TMC6: variants seen among roughly 807,000 people sequenced by gnomAD.
The protein encoded by TMC6 is transmembrane channel like 6, also known as transmembrane channel-like protein 6.
In TMC6, 71 loss-of-function variants were observed where a neutral mutation model predicts 95.4. That is an observed-to-expected ratio of 0.74 (90% CI 0.61 to 0.91). The LOEUF is 0.91. Among genes scored for constraint, TMC6 ranks in the 40% least tolerant of loss-of-function variants. The pLI is 0.00. For missense variants in TMC6, 1,074 were observed against 1,079.1 expected, an observed-to-expected ratio of 1.00 and a Z score of 0.07; for synonymous variants, 514 against 483.1, an observed-to-expected ratio of 1.06 and a Z score of -0.84.
Position 78,122,641 on chromosome 17 carries a change from G to T in TMC6, c.1191C>A (p.Ser397=), listed in dbSNP as rs373049094. 7 of 1,612,002 alleles carry T rather than the reference G, an allele frequency of 4.3e-6. No homozygotes were observed. Among genetic ancestry groups the T allele is most frequent in the Non-Finnish European group, 5.9e-6 (7 of 1,179,898 alleles). The stretch of plus-strand genomic sequence containing the variant: ...TGCGAATATTGTCCTGCTGGAGGCG[G>T]GAGGCCCGCTTCTGCGTCACCTTGT... The part of the protein sequence containing the change: ...WDYKVTQKRA[S]RLQQDNIRTR... The change falls in exon 10 of 20, where the codon TCC becomes TCA. Residue 397 remains serine (S), a synonymous_variant. Transcript: ENST00000590602. This position sits in a 1 kb window ranked among gnomAD's most constrained non-coding sequence, Gnocchi z 4.9.
chr17:78,115,624 G>GGGA (rs1331753012), intron 18 of TMC6, among the ~76,000 whole-genome samples: 2 of 147,410 alleles, frequency 1.4e-5, no homozygotes, highest in African/African-American at 5.2e-5. Context: ...GAGGAGCGAA[G>GGGA]GGAGTGGGCA....
intron 18 of TMC6, among the ~76,000 whole-genome samples, chr17:78,116,459 G>A (rs1417821440): frequency 6.6e-6 from 1 of 151,940 alleles, no homozygotes; most frequent in East Asian, 1.9e-4. Flanking sequence ...TTTTTATAGA[G>A]ACGAGGTTTC....
In TMC6 at chr17:78,121,718, G is replaced by A. The variant is rs751796244; in HGVS notation, c.1228-7C>T. On this transcript the variant is annotated splice_polypyrimidine_tract_variant and splice_region_variant and intron_variant, in intron 10 of 19. Transcript: ENST00000590602. This position sits in a 1 kb window ranked among gnomAD's most constrained non-coding sequence, Gnocchi z 5.6. Reference sequence around the variant, plus strand: ...GCCACTCGGCCAGCAGCTCCTGCAGGCGGCACCGTGTCCCCGTCACCCACA... The same window carrying A: ...GCCACTCGGCCAGCAGCTCCTGCAGACGGCACCGTGTCCCCGTCACCCACA... 7.6e-6 allele frequency: 12 copies of A among 1,574,858 alleles called. No individual in the cohort carries two copies. Among genetic ancestry groups the A allele is most frequent in the Non-Finnish European group, 9.5e-6 (11 of 1,163,956 alleles).
chr17:78,119,475 C>A, intron 13 of TMC6, 83 bp from the exon 14 acceptor site: 2 of 1,393,392 alleles, frequency 1.4e-6, no homozygotes, highest in South Asian at 2.3e-5. Context: ...AGAGGCACCC[C>A]GCCCCCAGCC....
chr17:78,131,341 A>C, upstream of TMC6: 14 of 591,576 alleles, frequency 2.4e-5, no homozygotes, highest in Admixed American at 3.0e-5. Context: ...GCTGGGCCCG[A>C]ATTCGACCGC....
intron 4 of TMC6, 40 bp downstream of exon 4, chr17:78,126,237 C>T (rs1157113645): frequency 5.8e-6 from 9 of 1,539,990 alleles, no homozygotes; most frequent in African/African-American, 1.4e-5. Flanking sequence ...GGGGTCAACT[C>T]GGGGCCGGGG....
At position 78,109,784 on chromosome 17, in the gene TMC6, C is replaced by T. The variant is rs1234366720; in HGVS notation, c.*3364G>A. On this transcript the variant is annotated 3_prime_UTR_variant, in exon 20 of 20. Coordinates refer to ENST00000590602, the MANE Select transcript of TMC6 (RefSeq NM_001127198.5). Reference sequence around the variant, plus strand: ...GAAAATTTTTAAGATAATTCACATCCGGCCAGGCATGGTGGCTCATGCCTG... The same window carrying T: ...GAAAATTTTTAAGATAATTCACATCTGGCCAGGCATGGTGGCTCATGCCTG... 3 of 346,242 alleles carry T rather than the reference C, an allele frequency of 8.7e-6. No homozygotes were observed. The highest frequency in any genetic ancestry group is 4.3e-5 in the South Asian group (2 of 46,226). The allele number at this position is 346,242 out of a possible 1,614,324, so 21.4% of individuals were successfully genotyped here. A position where few individuals can be genotyped will look rare whatever the true frequency, so the allele number is the denominator to read the frequency against.
At chr17:78,120,106 G>A in intron 13 of TMC6, 1 of 310,930 alleles carries the variant, frequency 3.2e-6, no homozygotes, top group Non-Finnish European at 6.2e-6. Flanking sequence ...CCTGCTGTGT[G>A]TTTTTCCTTT....
chr17:78,112,864 C>T lies in TMC6; in HGVS notation c.*284G>A. 1 of 497,406 alleles carries T rather than the reference C, an allele frequency of 2.0e-6. No homozygotes were observed. Among genetic ancestry groups the T allele is most frequent in the South Asian group, 2.6e-5 (1 of 38,582 alleles). The allele number at this position is 497,406 out of a possible 1,614,324, so 30.8% of individuals were successfully genotyped here. A position where few individuals can be genotyped will look rare whatever the true frequency, so the allele number is the denominator to read the frequency against. ...CCTGCGCCTGGAGGTGGCCCCAGGG[C>T]AGCGGGAAGCAGGCCCCGGGTGTGG... On this transcript the variant is annotated 3_prime_UTR_variant, in exon 20 of 20. Transcript: ENST00000590602.
intron 19 of TMC6, 143 bp downstream of exon 19, chr17:78,113,404 CG>C: frequency 8.2e-7 from 1 of 1,220,206 alleles, no homozygotes; most frequent in East Asian, 2.5e-5. Context: ...TGAAGGTGGG[CG>C]CCGGGGGGGA....
chr17:78,130,047 T>TA (rs2074918586), upstream of TMC6, among the ~76,000 whole-genome samples: 1 of 151,856 alleles, frequency 6.6e-6, no homozygotes, highest in Non-Finnish European at 1.5e-5. Context: ...CTGGGCCCTA[T>TA]AGCAGGTAGA....
chr17:78,119,850 G>C (rs772258011), intron 13 of TMC6: 9 of 347,108 alleles, frequency 2.6e-5, no homozygotes, highest in Non-Finnish European at 4.4e-5. Context: ...GTCTCACTCT[G>C]TTGCCGAGGC....
chr17:78,129,117 C>A (rs1047938175), upstream of TMC6, among the ~76,000 whole-genome samples: 2,915 of 27,498 alleles, frequency 0.11, 89 homozygotes, highest in African/African-American at 0.23. The surrounding 1 kb of genome is among the most constrained non-coding windows in gnomAD (Gnocchi z 4.3). Context: ...TTGGGCAGCG[C>A]CCCCCCCCCC....
Position 78,125,241 on chromosome 17 carries a change from C to T in TMC6, c.453G>A (p.Lys151=). 1 of 1,582,380 alleles carries T rather than the reference C, an allele frequency of 6.3e-7. No homozygotes were observed. The highest frequency in any genetic ancestry group is 1.3e-5 in the African/African-American group (1 of 74,604). The change falls in exon 6 of 20, where the codon AAG becomes AAA. Residue 151 remains lysine (K), a synonymous_variant. Transcript: ENST00000590602. Reference sequence around the variant, plus strand: ...GTGCCACTGCCAGGCTCTGGAGCTCCTTCACCAGGAGGCTCTGCTTCTCTG... The same window carrying T: ...GTGCCACTGCCAGGCTCTGGAGCTCTTTCACCAGGAGGCTCTGCTTCTCTG... The part of the protein sequence containing the change: ...EEEEKQSLLV[K]ELQSLAVAQR...
Position 78,125,174 on chromosome 17 carries a change from C to T in TMC6, c.520G>A (p.Glu174Lys). 1 of 1,573,302 alleles carries T rather than the reference C, an allele frequency of 6.4e-7. No homozygotes were observed. The highest frequency in any genetic ancestry group is 1.3e-5 in the African/African-American group (1 of 74,344). Residue 174 changes from glutamate (E) to lysine (K), a missense_variant, in exon 6 of 20, where the codon GAG becomes AAG. Transcript: ENST00000590602. Reference protein sequence around the residue: ...MLRGMPLSLAEKRSLREKSRT... With the variant: ...MLRGMPLSLAKKRSLREKSRT... ...GCTGCTCACCGCAGGCTGCGTTTCTCAGCCAGGCTTAAGGGCATCCCGCGA... is the reference window on the plus strand; with the variant it reads ...GCTGCTCACCGCAGGCTGCGTTTCTTAGCCAGGCTTAAGGGCATCCCGCGA...
At chr17:78,127,685 C>T (rs2074796146) in intron 1 of TMC6, among the ~76,000 whole-genome samples, 2 of 152,230 alleles carry the variant, frequency 1.3e-5, no homozygotes, top group African/African-American at 4.8e-5. Context: ...CCGGCCTCTG[C>T]CCTGGACTCC....
upstream of TMC6, chr17:78,132,038 C>A (rs1302284180): frequency 6.5e-7 from 1 of 1,534,480 alleles, no homozygotes; most frequent in East Asian, 2.4e-5. Flanking sequence ...GGGGTAGGAC[C>A]CGCGCGACCC....
At position 78,128,136 on chromosome 17, in the gene TMC6, T is replaced by C. The variant is rs373159387; in HGVS notation, c.-75+476A>G. 1.3e-5 allele frequency among the ~76,000 whole-genome samples: 2 copies of C among 152,288 alleles called. No individual in the cohort carries two copies. The highest frequency in any genetic ancestry group is 3.9e-4 in the East Asian group (2 of 5,172). On this transcript the variant is annotated intron_variant, in intron 1 of 19. Transcript: ENST00000590602. This position sits in a 1 kb window ranked among gnomAD's most constrained non-coding sequence, Gnocchi z 4.0. ...GCGGAGTTTCCAGGCGCACCATTCC[T>C]GAGCTAGGTGGGGAGAGGCTGGGTG... is the stretch of plus-strand genomic sequence containing the variant.
In TMC6 at chr17:78,122,001, G is replaced by C. The variant is rs1010894022; in HGVS notation, c.1228-290C>G. ...CACCTCCCCAGCCCTGCCCGCTGGG[G>C]CAGGGGCCTTGCTCAGAGGTCCTTT... On this transcript the variant is annotated intron_variant, in intron 10 of 19. Coordinates refer to ENST00000590602, the MANE Select transcript of TMC6 (RefSeq NM_001127198.5). This position sits in a 1 kb window ranked among gnomAD's most constrained non-coding sequence, Gnocchi z 4.9. 1.3e-5 allele frequency among the ~76,000 whole-genome samples: 2 copies of C among 152,162 alleles called. No individual in the cohort carries two copies. The highest frequency in any genetic ancestry group is 2.9e-5 in the Non-Finnish European group (2 of 68,022).
Sources: gnomAD v4.1 joint callset for allele counts (sites outside exome capture counted in the v4.1 genomes callset) on GRCh38, gnomAD v4.1.1 for gene constraint, Gnocchi (gnomAD v3.1) non-coding constraint, MANE v1.5 for transcripts, NCBI Gene and HGNC (gene_info 2026-07-23, HGNC 2026-07-21) for gene names.